ADGRB3: variants seen among roughly 807,000 people sequenced by gnomAD.
The protein encoded by ADGRB3 is adhesion G protein-coupled receptor B3, also known as brain-specific angiogenesis inhibitor 3.
A neutral mutation model predicts 193.4 loss-of-function variants in ADGRB3; 37 were observed. The ratio of observed to expected loss-of-function variants is 0.19; its 90% CI spans 0.15 to 0.25. The LOEUF is 0.25. ADGRB3 is among the 10% of genes least tolerant of loss of function. The probability of loss-of-function intolerance (pLI) is 1.00; values close to 1 mark genes in which losing one functional copy is unlikely to be tolerated. For synonymous variants in ADGRB3, 690 were observed against 644.2 expected (o/e 1.07, Z -1.08); for missense variants, 1,637 against 1,852.9 (o/e 0.88, Z 2.14).
At chr6:68,851,339 T>C (rs1035612155) in intron 3 of ADGRB3, among the ~76,000 whole-genome samples, 1 of 151,908 alleles carries the variant, frequency 6.6e-6, no homozygotes, top group African/African-American at 2.4e-5. Context: ...CTGGACACTG[T>C]TGGTAATATT....
chr6:68,647,911 C>T (rs1000695923), intron 3 of ADGRB3, among the ~76,000 whole-genome samples: 2 of 151,890 alleles, frequency 1.3e-5, no homozygotes, highest in Non-Finnish European at 1.5e-5. Flanking sequence ...CCAATGATCC[C>T]GAATATCCCC....
intron 3 of ADGRB3, among the ~76,000 whole-genome samples, chr6:68,750,544 ATTAAAT>A (rs1169688965): frequency 3.9e-5 from 6 of 152,238 alleles, no homozygotes; most frequent in Non-Finnish European, 8.8e-5. Flanking sequence ...GTAATGGCTG[ATTAAAT>A]TTTAATTTTA....
intron 3 of ADGRB3, among the ~76,000 whole-genome samples, chr6:68,639,729 G>A (rs1036053524): frequency 1.3e-5 from 2 of 152,092 alleles, no homozygotes; most frequent in Non-Finnish European, 2.9e-5. Context: ...TGAGGAGGGA[G>A]AGGGGTTTCT....
chr6:69,114,500 C>A (rs1189471590), intron 17 of ADGRB3, among the ~76,000 whole-genome samples: 1 of 152,114 alleles, frequency 6.6e-6, no homozygotes, highest in Admixed American at 6.6e-5. Flanking sequence ...TGTGCAGAAG[C>A]CCTTTAGATT....
In ADGRB3 at chr6:69,060,251, C is replaced by CT. The variant is rs1562141971; in HGVS notation, c.2334-2682dup. Among the ~76,000 whole-genome samples, 237 of 61,306 alleles carry CT rather than the reference C, an allele frequency of 3.9e-3. 1 individual carries two copies. The highest frequency in any genetic ancestry group is 2.3e-3 in the Non-Finnish European group (68 of 29,840). The allele number at this position is 61,306 out of a possible 152,430, so 40.2% of individuals were successfully genotyped here. ...CTCTCTCTCTCTCTCTCTCTCTCTC[C>CT]TCCTCTGTCTCTCCTTCTCTCTCAG... On this transcript the variant is annotated intron_variant, in intron 15 of 31. Coordinates refer to ENST00000370598, the MANE Select transcript of ADGRB3 (RefSeq NM_001704.3).
rs544672042 is a variant in ADGRB3 at position 69,152,148 on chromosome 6, A to G, written c.2480+76110A>G. Among the ~76,000 whole-genome samples, 6 of 152,318 alleles carry G rather than the reference A, an allele frequency of 3.9e-5. No homozygotes were observed. The South Asian group carries it at 1.0e-3, about 26-fold the overall frequency. ...TCAGCATGAGAACAGACTAATATAC[A>G]AGTACATTTTATATTCTTTTTGGGT... On this transcript the variant is annotated intron_variant, in intron 17 of 31. Coordinates refer to ENST00000370598, the MANE Select transcript of ADGRB3 (RefSeq NM_001704.3).
At chr6:68,732,283 T>A (rs1765789377) in intron 3 of ADGRB3, among the ~76,000 whole-genome samples, 1 of 151,782 alleles carries the variant, frequency 6.6e-6, no homozygotes, top group Admixed American at 6.6e-5. Flanking sequence ...TTAAGCCTCA[T>A]ACCCATTAGC....
intron 8 of ADGRB3, among the ~76,000 whole-genome samples, chr6:68,972,422 G>C (rs1003960850): frequency 6.6e-6 from 1 of 152,032 alleles, no homozygotes; most frequent in African/African-American, 2.4e-5. Context: ...GCTCCCGAAT[G>C]GGGAGGGTTT....
At chr6:69,042,509 A>G (rs552149733) in intron 13 of ADGRB3, among the ~76,000 whole-genome samples, 1 of 151,854 alleles carries the variant, frequency 6.6e-6, no homozygotes, top group Admixed American at 6.5e-5. Flanking sequence ...GTAAATATAT[A>G]AGTCATGTTT....
At position 69,323,223 on chromosome 6, in the gene ADGRB3, A is replaced by G. The variant is rs531751060; in HGVS notation, c.2815-1649A>G. ...TGGACTAGCTTTGCTAGTGCATACA[A>G]TTTAGTTGAAACAAACGTGGAGGAA... On this transcript the variant is annotated intron_variant, in intron 20 of 31. Transcript: ENST00000370598. 4.6e-5 allele frequency among the ~76,000 whole-genome samples: 7 copies of G among 152,138 alleles called. No homozygotes were observed. The East Asian group carries it at 1.2e-3, about 25-fold the overall frequency.
At chr6:68,778,176 A>G (rs530312151) in intron 3 of ADGRB3, among the ~76,000 whole-genome samples, 140 of 152,204 alleles carry the variant, frequency 9.2e-4, no homozygotes, top group Middle Eastern at 3.4e-3. Flanking sequence ...GCCAGACTAC[A>G]GGCATGAGCA....
At chr6:68,905,755 G>T (rs1464331672) in intron 3 of ADGRB3, among the ~76,000 whole-genome samples, 1 of 152,102 alleles carries the variant, frequency 6.6e-6, no homozygotes, top group East Asian at 1.9e-4. Context: ...TTGCAAATTA[G>T]GTTAAAAAGT....
intron 17 of ADGRB3, among the ~76,000 whole-genome samples, chr6:69,111,829 C>A (rs972600418): frequency 1.3e-5 from 2 of 152,124 alleles, no homozygotes; most frequent in South Asian, 4.2e-4. Context: ...TTAAAAAAAC[C>A]CTTCTATGAA....
chr6:68,705,098 G>T (rs1765302487), intron 3 of ADGRB3, among the ~76,000 whole-genome samples: 1 of 152,054 alleles, frequency 6.6e-6, no homozygotes, highest in South Asian at 2.1e-4. Context: ...CTTTTTATTT[G>T]TCCAGCTACT....
intron 19 of ADGRB3, among the ~76,000 whole-genome samples, chr6:69,237,176 G>A (rs1766282157): frequency 6.6e-6 from 1 of 151,994 alleles, no homozygotes; most frequent in East Asian, 1.9e-4. Flanking sequence ...CATTATACAT[G>A]TAGGGTATAT....
At chr6:69,019,079 T>G (rs1370392389) in intron 13 of ADGRB3, among the ~76,000 whole-genome samples, 1 of 152,022 alleles carries the variant, frequency 6.6e-6, no homozygotes, top group Non-Finnish European at 1.5e-5. Flanking sequence ...TAGTGGATTC[T>G]GTAATGCAAC....
At chr6:68,874,058 G>T (rs1765526520) in intron 3 of ADGRB3, among the ~76,000 whole-genome samples, 2 of 151,984 alleles carry the variant, frequency 1.3e-5, no homozygotes, top group Admixed American at 1.3e-4. Flanking sequence ...ATTACAGTAT[G>T]TGCCAACTCT....
At chr6:69,063,509 A>G (rs1771811238) in intron 16 of ADGRB3, among the ~76,000 whole-genome samples, 2 of 152,028 alleles carry the variant, frequency 1.3e-5, no homozygotes, top group Non-Finnish European at 2.9e-5. Context: ...TGATCTCACT[A>G]TGTGGTAGGA....
At chr6:68,909,682 C>T (rs999281483) in intron 3 of ADGRB3, among the ~76,000 whole-genome samples, 12 of 152,206 alleles carry the variant, frequency 7.9e-5, no homozygotes, top group South Asian at 2.1e-4. Flanking sequence ...GCTTCTTTGT[C>T]GGTCTCAGAG....
Sources: allele counts gnomAD v4.1 joint callset (sites outside exome capture counted in the v4.1 genomes callset), GRCh38; gene constraint gnomAD v4.1.1; transcripts MANE v1.5; gene names NCBI Gene and HGNC (gene_info 2026-07-23, HGNC 2026-07-21).